Variants in NBEAL1 observed in about 807,000 individuals in gnomAD.
NBEAL1 encodes the protein neurobeachin-like protein 1.
Under a neutral mutation model 351.3 loss-of-function variants are expected in NBEAL1, and 273 were observed. The ratio of observed to expected loss-of-function variants is 0.78; its 90% CI spans 0.70 to 0.86. The LOEUF is 0.86. Among genes scored for constraint, NBEAL1 ranks in the 40% least tolerant of loss-of-function variants. The probability of loss-of-function intolerance (pLI) is 0.00; values close to 1 mark genes in which losing one functional copy is unlikely to be tolerated. For missense variants in NBEAL1, 2,961 were observed against 3,201.3 expected, an observed-to-expected ratio of 0.92 and a Z score of 1.81; for synonymous variants, 1,050 against 1,086.4, an observed-to-expected ratio of 0.97 and a Z score of 0.66.
chr2:203,126,155 A>AT (rs2062932350), intron 21 of NBEAL1, 62 bp downstream of exon 21: 4 of 1,411,244 alleles, frequency 2.8e-6, no homozygotes, highest in Middle Eastern at 1.8e-4. Flanking sequence ...TGATGTTGGG[A>AT]TTTTTTCTTC....
rs2063221496 is a variant in NBEAL1, at chr2:203,136,773, A to G, written c.4564A>G (p.Thr1522Ala). The change falls in exon 29 of 56, where the codon ACT becomes GCT. Residue 1522 changes from threonine to alanine, a missense_variant and splice_region_variant. Physicochemically the swap from Thr to Ala is moderately conservative, Grantham distance 58 (BLOSUM62 0). Coordinates refer to ENST00000683969, the MANE Select transcript of NBEAL1 (RefSeq NM_001378026.1). Reference sequence around the variant, plus strand: ...TCGACCATCAGATGAAATAAAACTAACGTAAGCATTTAGTTAGTGATTTTC... The same window carrying G: ...TCGACCATCAGATGAAATAAAACTAGCGTAAGCATTTAGTTAGTGATTTTC... ...LLRPSDEIKL[T>A]LLQKMLEWAI... The G allele has an allele frequency of 1.2e-6, 2 of 1,611,514 alleles. No individual in the cohort carries two copies. The highest frequency in any genetic ancestry group is 1.7e-6 in the Non-Finnish European group (2 of 1,178,904).
chr2:203,050,008 T>C, intron 4 of NBEAL1, 33 bp downstream of exon 4: 1 of 1,538,766 alleles, frequency 6.5e-7, no homozygotes. Flanking sequence ...TAGTTTTCAC[T>C]CATAGGTGGG....
chr2:203,082,821 T>G (rs2061896233), intron 8 of NBEAL1, among the ~76,000 whole-genome samples: 1 of 152,244 alleles, frequency 6.6e-6, no homozygotes, highest in Non-Finnish European at 1.5e-5. Flanking sequence ...GCCTGCTACT[T>G]TAATCATGGA....
intron 10 of NBEAL1, among the ~76,000 whole-genome samples, chr2:203,093,302 T>C (rs2062107266): frequency 6.8e-6 from 1 of 148,058 alleles, no homozygotes; most frequent in South Asian, 2.2e-4. Flanking sequence ...ATGTAATTCC[T>C]ACTAAAATTT....
At chr2:203,150,458 A>G (rs2063620686) in intron 34 of NBEAL1, among the ~76,000 whole-genome samples, 1 of 151,918 alleles carries the variant, frequency 6.6e-6, no homozygotes, top group South Asian at 2.1e-4. Flanking sequence ...ATATCGAATA[A>G]TAGACCCTGA....
intron 29 of NBEAL1, among the ~76,000 whole-genome samples, chr2:203,137,936 A>T (rs959962488): frequency 6.6e-6 from 1 of 151,470 alleles, no homozygotes; most frequent in Non-Finnish European, 1.5e-5. Flanking sequence ...GTGAGCCGAG[A>T]TCACACCATT....
intron 4 of NBEAL1, among the ~76,000 whole-genome samples, chr2:203,051,326 TGA>T (rs2061319800): frequency 6.6e-6 from 1 of 152,134 alleles, no homozygotes; most frequent in African/African-American, 2.4e-5. Flanking sequence ...GTGGATCGCT[TGA>T]GGTCAGGAGT....
At chr2:203,031,033 A>G (rs1300541327) in intron 2 of NBEAL1, among the ~76,000 whole-genome samples, 1 of 152,230 alleles carries the variant, frequency 6.6e-6, no homozygotes, top group Non-Finnish European at 1.5e-5. Context: ...ATGGATTGTA[A>G]GATATGCCAT....
chr2:203,189,105 C>A (rs2064996512), intron 45 of NBEAL1, among the ~76,000 whole-genome samples: 1 of 152,168 alleles, frequency 6.6e-6, no homozygotes, highest in Admixed American at 6.5e-5. Flanking sequence ...TATACCGGAT[C>A]CATTCAGGTA....
chr2:203,127,450 G>A (rs1210547100), intron 23 of NBEAL1, among the ~76,000 whole-genome samples: 4 of 152,290 alleles, frequency 2.6e-5, no homozygotes, highest in East Asian at 3.9e-4. Context: ...TAGGCTGGGC[G>A]CGGTGGCTCA....
intron 33 of NBEAL1, among the ~76,000 whole-genome samples, chr2:203,147,132 G>A (rs943183352): frequency 6.6e-6 from 1 of 152,048 alleles, no homozygotes; most frequent in African/African-American, 2.4e-5. Flanking sequence ...TCTCACCACT[G>A]TTAGTTACTG....
chr2:203,058,440 C>T (rs915203619), intron 6 of NBEAL1, among the ~76,000 whole-genome samples: 1 of 152,168 alleles, frequency 6.6e-6, no homozygotes, highest in Non-Finnish European at 1.5e-5. Flanking sequence ...CAGCTACTCT[C>T]CCTGGGGTTA....
At chr2:203,206,428 C>A (rs1467291799) in intron 51 of NBEAL1, among the ~76,000 whole-genome samples, 1 of 152,206 alleles carries the variant, frequency 6.6e-6, no homozygotes, top group Admixed American at 6.5e-5. Context: ...CTCCCTCTCT[C>A]CCTCTCCCCT....
chr2:203,045,114 C>A (rs2061205531), intron 3 of NBEAL1, among the ~76,000 whole-genome samples: 1 of 152,012 alleles, frequency 6.6e-6, no homozygotes, highest in Non-Finnish European at 1.5e-5. Context: ...TAAAAAAAAT[C>A]TTTCTGAGGA....
chr2:203,087,903 G>T (rs192842974), intron 10 of NBEAL1, among the ~76,000 whole-genome samples: 1 of 152,272 alleles, frequency 6.6e-6, no homozygotes, highest in Admixed American at 6.5e-5. Context: ...GTTGAAAATC[G>T]ATTAAATTTG....
At chr2:203,079,089 T>C (rs1050236582) in intron 8 of NBEAL1, among the ~76,000 whole-genome samples, 1 of 152,094 alleles carries the variant, frequency 6.6e-6, no homozygotes, top group Non-Finnish European at 1.5e-5. Context: ...TGTTTGTTGT[T>C]GTTGTTTTGA....
At chr2:203,112,479 G>A (rs1411399668) in intron 16 of NBEAL1, among the ~76,000 whole-genome samples, 2 of 152,184 alleles carry the variant, frequency 1.3e-5, no homozygotes. Flanking sequence ...TAATGAAGAA[G>A]CTTAAAACCT....
At chr2:203,125,550 C>A in intron 20 of NBEAL1, 30 bp downstream of exon 20, 1 of 1,354,814 alleles carries the variant, frequency 7.4e-7, no homozygotes, top group South Asian at 2.1e-5. Flanking sequence ...ACAAAATAGT[C>A]ATTGAGAAAT....
rs932298684 is a variant in NBEAL1, at chr2:203,040,076, T to C, written c.52-1689T>C. 6.7e-6 allele frequency: 5 copies of C among 748,598 alleles called. No homozygotes were observed. In the African/African-American group the frequency reaches 8.7e-5, roughly 13 times the overall value. The allele number at this position is 748,598 out of a possible 1,614,324, so 46.4% of individuals were successfully genotyped here. On this transcript the variant is annotated intron_variant, in intron 2 of 55. Coordinates refer to ENST00000683969, the MANE Select transcript of NBEAL1 (RefSeq NM_001378026.1). Reference sequence around the variant, plus strand: ...ATTTAAAAAATGACTTGGGGTGGGGTTGTGCATGATCAGTCCTTCAACACT... The same window carrying C: ...ATTTAAAAAATGACTTGGGGTGGGGCTGTGCATGATCAGTCCTTCAACACT...
Sources: allele counts gnomAD v4.1 joint callset (sites outside exome capture counted in the v4.1 genomes callset), GRCh38; gene constraint gnomAD v4.1.1; transcripts MANE v1.5; gene names NCBI Gene and HGNC (gene_info 2026-07-23, HGNC 2026-07-21).